The following SLC1A4 variants were observed in gnomAD, a reference collection of about 807,000 sequenced individuals.
The protein encoded by SLC1A4 is solute carrier family 1 member 4, also known as neutral amino acid transporter A.
SLC1A4 carries 19 observed loss-of-function variants against 37.7 expected under a neutral mutation model. That is an observed-to-expected ratio of 0.50 (90% confidence interval 0.35 to 0.74). SLC1A4 has a LOEUF of 0.74. SLC1A4 is among the 30% of genes least tolerant of loss of function. The probability of loss-of-function intolerance (pLI) is 0.01; values close to 1 mark genes in which losing one functional copy is unlikely to be tolerated. For synonymous variants in SLC1A4, 299 were observed against 309.8 expected (o/e 0.97, Z 0.37); for missense variants, 570 against 712.9 (o/e 0.80, Z 2.28).
At chr2:64,998,625 G>A (rs1673356301) in intron 1 of SLC1A4, among the ~76,000 whole-genome samples, 1 of 152,180 alleles carries the variant, frequency 6.6e-6, no homozygotes, top group Non-Finnish European at 1.5e-5. Flanking sequence ...AAACAGGTCG[G>A]TGTGCCAGTG....
In SLC1A4 at chr2:64,989,784, C is replaced by T. The variant is rs1462333984; in HGVS notation, c.141C>T (p.Leu47=). Residue 47 remains leucine (L), a synonymous_variant, in exon 1 of 8, where the codon CTC becomes CTT. Transcript: ENST00000234256. ...TGCGGCGCCAAGCGCTGGTGCTGCTCACCGTGTCCGGGGTGCTGGCGGGCG... is the reference window on the plus strand; with the variant it reads ...TGCGGCGCCAAGCGCTGGTGCTGCTTACCGTGTCCGGGGTGCTGGCGGGCG... ...GFLRRQALVL[L]TVSGVLAGAG... The T allele has an allele frequency of 1.7e-5, 26 of 1,503,938 alleles. No homozygotes were observed. Among genetic ancestry groups the T allele is most frequent in the Non-Finnish European group, 2.2e-5 (25 of 1,131,230 alleles). The allele number at this position is 1,503,938 out of a possible 1,614,324, so 93.2% of individuals were successfully genotyped here. A position where few individuals can be genotyped will look rare whatever the true frequency, so the allele number is the denominator to read the frequency against.
intron 4 of SLC1A4, 31 bp downstream of exon 4, chr2:65,010,794 C>G: frequency 1.3e-6 from 2 of 1,588,986 alleles, no homozygotes; most frequent in Non-Finnish European, 8.6e-7. Context: ...TACTCTCTCT[C>G]TCCTTCCTCC....
rs1425406557 is a variant in SLC1A4 at position 65,022,517 on chromosome 2, A to G, written c.*1371A>G. 6.6e-6 allele frequency: 1 copy of G among 151,988 alleles called. No individual in the cohort carries two copies. Among genetic ancestry groups the G allele is most frequent in the East Asian group, 1.9e-4 (1 of 5,198 alleles). The allele number at this position is 151,988 out of a possible 1,614,324, so 9.4% of individuals were successfully genotyped here. On this transcript the variant is annotated 3_prime_UTR_variant, in exon 8 of 8. Transcript: ENST00000234256. ...CGAAAACGACCATTTCACTTCTTGG[A>G]TATCAAGTGCTAACCCAGTATGTTC...
At chr2:65,008,495 GC>G (rs1271191557) in intron 3 of SLC1A4, among the ~76,000 whole-genome samples, 7 of 152,220 alleles carry the variant, frequency 4.6e-5, no homozygotes, top group Admixed American at 3.9e-4. Flanking sequence ...AATAAACCTA[GC>G]CTGGCATGGT....
chr2:65,011,627 T>C (rs1352411156), intron 4 of SLC1A4: 2 of 152,058 alleles, frequency 1.3e-5, no homozygotes, highest in East Asian at 3.8e-4. Context: ...GAAAGCATGA[T>C]TGTTAAGTAA....
intron 1 of SLC1A4, among the ~76,000 whole-genome samples, chr2:64,991,332 CA>C (rs540933887): frequency 7.3e-6 from 1 of 136,496 alleles, no homozygotes; most frequent in Admixed American, 7.3e-5. Context: ...CAAACAACAA[CA>C]AAAAAAAACC....
chr2:64,993,999 A>G (rs1466398134), intron 1 of SLC1A4, among the ~76,000 whole-genome samples: 1 of 152,220 alleles, frequency 6.6e-6, no homozygotes, highest in Non-Finnish European at 1.5e-5. Flanking sequence ...GTAGATGGGA[A>G]GAAGAGGAAT....
At chr2:64,997,972 G>A (rs1489688480) in intron 1 of SLC1A4, among the ~76,000 whole-genome samples, 1 of 152,026 alleles carries the variant, frequency 6.6e-6, no homozygotes, top group African/African-American at 2.4e-5. Flanking sequence ...AGTGGCTCAC[G>A]CCTGTAATCC....
intron 4 of SLC1A4, among the ~76,000 whole-genome samples, chr2:65,012,199 C>T (rs1400465361): frequency 1.3e-5 from 2 of 152,004 alleles, no homozygotes; most frequent in South Asian, 2.1e-4. Flanking sequence ...AAGCCATTCT[C>T]CTGCCTCAGC....
At chr2:65,001,738 C>T (rs1334400671) in intron 2 of SLC1A4, among the ~76,000 whole-genome samples, 7 of 152,130 alleles carry the variant, frequency 4.6e-5, no homozygotes, top group Admixed American at 4.6e-4. Context: ...TTTACATTAC[C>T]TAAGAAATAC....
intron 2 of SLC1A4, among the ~76,000 whole-genome samples, chr2:65,001,982 T>C (rs1163687985): frequency 6.6e-6 from 1 of 152,176 alleles, no homozygotes. Flanking sequence ...ACATACATTT[T>C]AAAAATAAGC....
At chr2:65,006,395 G>C (rs1395573259) in intron 3 of SLC1A4, among the ~76,000 whole-genome samples, 1 of 152,114 alleles carries the variant, frequency 6.6e-6, no homozygotes, top group Non-Finnish European at 1.5e-5. Context: ...GGGAGGCTGA[G>C]GCAGGAGAAT....
chr2:65,018,331 C>G lies in SLC1A4; in HGVS notation c.1229+66C>G, dbSNP rs779502920. On this transcript the variant is annotated intron_variant, in intron 6 of 7. Transcript: ENST00000234256. The surrounding 1 kb of genome is among the most constrained non-coding windows in gnomAD (Gnocchi z 4.3). ...TTTCTTGTGATTTCCTTTGAAAAAC[C>G]AATCTCACCACAACTTGGTGTCTCG... 17 of 1,521,290 alleles carry G rather than the reference C, an allele frequency of 1.1e-5. No homozygotes were observed. Among genetic ancestry groups the G allele is most frequent in the Admixed American group, 1.8e-5 (1 of 55,490 alleles). The allele number at this position is 1,521,290 out of a possible 1,614,324, so 94.2% of individuals were successfully genotyped here.
At chr2:65,001,188 T>G in intron 1 of SLC1A4, 1 of 420,404 alleles carries the variant, frequency 2.4e-6, no homozygotes, top group Non-Finnish European at 4.3e-6. Context: ...GAACACTGTG[T>G]TAGGGTTTTA....
intron 5 of SLC1A4, among the ~76,000 whole-genome samples, chr2:65,017,247 C>T (rs1425365941): frequency 2.6e-5 from 4 of 151,862 alleles, no homozygotes; most frequent in South Asian, 2.1e-4. Flanking sequence ...TCTGAGGCAC[C>T]GTGGTGAGGG....
upstream of SLC1A4, among the ~76,000 whole-genome samples, chr2:64,988,867 G>T (rs1225303963): frequency 6.1e-5 from 2 of 32,662 alleles, no homozygotes; most frequent in South Asian, 2.8e-3. Flanking sequence ...CTGGAGAGGA[G>T]CGCGGGCCGC....
At position 65,018,906 on chromosome 2, in the gene SLC1A4, G is replaced by C. The variant is rs1323439431; in HGVS notation, c.1364+227G>C. Among the ~76,000 whole-genome samples the C allele has an allele frequency of 6.6e-6, 1 of 152,238 alleles. No homozygotes were observed. The highest frequency in any genetic ancestry group is 1.5e-5 in the Non-Finnish European group (1 of 68,046). On this transcript the variant is annotated intron_variant, in intron 7 of 7. Coordinates refer to ENST00000234256, the MANE Select transcript of SLC1A4 (RefSeq NM_003038.5). This position sits in a 1 kb window ranked among gnomAD's most constrained non-coding sequence, Gnocchi z 4.3. ...AATGACCATGAGATGTCATTACCAA[G>C]AACTTGCTTATAGCATCCAGTAAAG... is the stretch of plus-strand genomic sequence containing the variant.
intron 1 of SLC1A4, 82 bp downstream of exon 1, chr2:64,990,252 T>A (rs2103625737): frequency 7.9e-7 from 1 of 1,260,764 alleles, no homozygotes; most frequent in East Asian, 2.6e-5. Flanking sequence ...CATATGCTTA[T>A]ACACTCCTAA....
At chr2:65,004,150 C>T (rs1572954442) in intron 3 of SLC1A4, 135 bp downstream of exon 3, 2 of 698,022 alleles carry the variant, frequency 2.9e-6, no homozygotes, top group Non-Finnish European at 5.0e-6. Context: ...GTTAGGTTTG[C>T]TCCTTTGGTT....
Sources: gnomAD v4.1 joint callset for allele counts (sites outside exome capture counted in the v4.1 genomes callset) on GRCh38, gnomAD v4.1.1 for gene constraint, Gnocchi (gnomAD v3.1) non-coding constraint, MANE v1.5 for transcripts, NCBI Gene and HGNC (gene_info 2026-07-23, HGNC 2026-07-21) for gene names.